Variants in TBCB observed in about 807,000 individuals in gnomAD.
The protein encoded by TBCB is tubulin-folding cofactor B.
Under a neutral mutation model 29.2 loss-of-function variants are expected in TBCB, and 18 were observed. The observed-to-expected ratio is 0.62, with a 90% CI of 0.43 to 0.91. TBCB has a LOEUF of 0.91. TBCB is among the 40% of genes least tolerant of loss of function. TBCB has a pLI of 0.00. For missense variants in TBCB, 336 were observed against 337.6 expected (o/e 1.00, Z 0.04); for synonymous variants, 172 against 137.8 (o/e 1.25, Z -1.74).
rs780009476 is a variant in TBCB at position 36,121,722 on chromosome 19, C to T, written c.547+4C>T. On this transcript the variant is annotated splice_donor_region_variant and intron_variant, in intron 4 of 5. Transcript: ENST00000221855. ...CGGGGCACCGTCATGTATGTAGGTG[C>T]GTGGCTCGCGGGCCCGGTCCCGGGC... The T allele has an allele frequency of 3.0e-5, 47 of 1,548,468 alleles. No homozygotes were observed. The South Asian group carries it at 5.5e-4, about 18-fold the overall frequency.
chr19:36,121,513 C>T lies in TBCB; in HGVS notation c.356-14C>T. ...GCCGACACCCCAACTGACCCCAGCC[C>T]CCTCTGCCCACAGACACGGTCCGCT... On this transcript the variant is annotated splice_polypyrimidine_tract_variant and intron_variant, in intron 3 of 5. Transcript: ENST00000221855. 1 of 1,549,508 alleles carries T rather than the reference C, an allele frequency of 6.5e-7. No homozygotes were observed. The highest frequency in any genetic ancestry group is 8.7e-7 in the Non-Finnish European group (1 of 1,150,018).
chr19:36,116,305 A>T, intron 2 of TBCB, 121 bp downstream of exon 2: 1 of 1,336,976 alleles, frequency 7.5e-7, no homozygotes. Flanking sequence ...TGGAGCCTCC[A>T]GTGCAGCCTG....
intron 4 of TBCB, among the ~76,000 whole-genome samples, chr19:36,123,254 CTT>C (rs201890657): frequency 0.021 from 2,769 of 131,354 alleles, 51 homozygotes; most frequent in African/African-American, 0.076. Context: ...GAACCTTCTT[CTT>C]TTTTTTTTTT....
chr19:36,116,120 G>A lies in TBCB; in HGVS notation c.194G>A (p.Ser65Asn), dbSNP rs751528263. 2.1e-5 allele frequency: 34 copies of A among 1,614,092 alleles called. No homozygotes were observed. The highest frequency in any genetic ancestry group is 2.9e-5 in the Non-Finnish European group (34 of 1,180,058). The change falls in exon 2 of 6, where the codon AGC (serine) becomes AAC (asparagine). Residue 65 changes from serine to asparagine, a missense_variant. Transcript: ENST00000221855. ...ELYGVDDKFY[S>N]KLDQEDALLG... ...TATGGAGTTGACGACAAGTTCTACA[G>A]CAAGCTGGATCAAGAGGATGCGCTC...
At chr19:36,117,040 C>G (rs1425697577) in intron 2 of TBCB, among the ~76,000 whole-genome samples, 1 of 152,190 alleles carries the variant, frequency 6.6e-6, no homozygotes, top group Admixed American at 6.5e-5. Flanking sequence ...TTGTCATATG[C>G]CTGCGTGCCT....
At chr19:36,116,541 T>C in intron 2 of TBCB, 1 of 197,568 alleles carries the variant, frequency 5.1e-6, no homozygotes, top group Non-Finnish European at 1.0e-5. Context: ...GCCTAGAATG[T>C]GAGGTAGGTC....
Position 36,115,596 on chromosome 19 carries a change from C to T in TBCB, c.36C>T (p.Thr12=), listed in dbSNP as rs1316206160. ...CGGGGGTGTCGGCACCCACGGTGAC[C>T]GTTTTCATCAGCAGCTCCCTCAACA... The part of the protein sequence containing the change: ...EVTGVSAPTV[T]VFISSSLNTF... Residue 12 remains threonine, a synonymous_variant, in exon 1 of 6, where the codon ACC becomes ACT. Transcript: ENST00000221855. The T allele has an allele frequency of 6.2e-7, 1 of 1,610,124 alleles. No individual in the cohort carries two copies. The highest frequency in any genetic ancestry group is 8.5e-7 in the Non-Finnish European group (1 of 1,178,554).
Position 36,116,172 on chromosome 19 carries a change from C to T in TBCB, c.246C>T (p.Gly82=). ...ALLGSYPVDD[G]CRIHVIDHSG... ...TGGGCTCCTACCCTGTAGATGACGG[C>T]TGCCGCATCCACGTGAGGACTCTCT... Residue 82 remains glycine (G), a synonymous_variant, in exon 2 of 6, where the codon GGC becomes GGT. Coordinates refer to ENST00000221855, the MANE Select transcript of TBCB (RefSeq NM_001281.3). 6.2e-7 allele frequency: 1 copy of T among 1,614,100 alleles called. No homozygotes were observed. The highest frequency in any genetic ancestry group is 8.5e-7 in the Non-Finnish European group (1 of 1,179,956).
intron 4 of TBCB, chr19:36,121,932 T>A: frequency 1.5e-6 from 1 of 664,104 alleles, no homozygotes; most frequent in Non-Finnish European, 2.6e-6. Flanking sequence ...GCAGGCGGAG[T>A]GATCTGTCCA....
intron 2 of TBCB, chr19:36,116,421 C>A: frequency 2.3e-6 from 1 of 444,168 alleles, no homozygotes; most frequent in Non-Finnish European, 4.0e-6. Flanking sequence ...CCTGACTCCA[C>A]CTGGGAGAAT....
intron 4 of TBCB, 27 bp downstream of exon 4, chr19:36,121,745 G>T: frequency 6.5e-7 from 1 of 1,547,786 alleles, no homozygotes; most frequent in African/African-American, 1.4e-5. Flanking sequence ...CCCGGTCCCG[G>T]GCTCCAGGGC....
chr19:36,116,982 A>G (rs910147953), intron 2 of TBCB, among the ~76,000 whole-genome samples: 3 of 152,160 alleles, frequency 2.0e-5, no homozygotes, highest in Non-Finnish European at 2.9e-5. Context: ...TGCTCCTTGC[A>G]CAGTCCAGGT....
intron 2 of TBCB, among the ~76,000 whole-genome samples, chr19:36,119,455 C>A (rs1021961431): frequency 2.0e-5 from 3 of 152,190 alleles, no homozygotes; most frequent in Non-Finnish European, 4.4e-5. Flanking sequence ...CATCCTTCCC[C>A]CAACCTCGCC....
chr19:36,125,281 G>T (rs1015667677), intron 4 of TBCB, among the ~76,000 whole-genome samples, 170 bp from the exon 5 acceptor site: 1 of 152,212 alleles, frequency 6.6e-6, no homozygotes, highest in South Asian at 2.1e-4. Flanking sequence ...TATTAGTCCC[G>T]GCAGGAGCTG....
intron 4 of TBCB, among the ~76,000 whole-genome samples, chr19:36,124,307 G>C (rs960763399): frequency 6.6e-6 from 1 of 152,084 alleles, no homozygotes; most frequent in Non-Finnish European, 1.5e-5. Context: ...TGCATCCTCT[G>C]CCTCCCGGGT....
intron 4 of TBCB, 111 bp downstream of exon 4, chr19:36,121,829 G>GC (rs1160958073): frequency 3.0e-6 from 4 of 1,350,868 alleles, no homozygotes; most frequent in Non-Finnish European, 3.1e-6. Context: ...GCGCGGGGTT[G>GC]GGGGGGACTC....
At chr19:36,124,258 C>T (rs1250874803) in intron 4 of TBCB, among the ~76,000 whole-genome samples, 2 of 152,132 alleles carry the variant, frequency 1.3e-5, no homozygotes, top group South Asian at 2.1e-4. Context: ...AGTCTCACTC[C>T]GTCACCCAGG....
chr19:36,120,222 C>A, intron 2 of TBCB, among the ~76,000 whole-genome samples: 1 of 152,186 alleles, frequency 6.6e-6, no homozygotes, highest in East Asian at 1.9e-4. Context: ...CAGAGTGCGT[C>A]TGTGTTTACA....
At chr19:36,115,251 A>G (rs1973925287), upstream of TBCB, 6 of 524,852 alleles carry the variant, frequency 1.1e-5, no homozygotes, top group South Asian at 7.7e-5. Context: ...AGCTCTTGCC[A>G]CTCCTACCTC....
Sources: allele counts gnomAD v4.1 joint callset (sites outside exome capture counted in the v4.1 genomes callset), GRCh38; gene constraint gnomAD v4.1.1; transcripts MANE v1.5; gene names NCBI Gene and HGNC (gene_info 2026-07-23, HGNC 2026-07-21).